SNX29: variants seen among roughly 807,000 people sequenced by gnomAD.
SNX29 encodes the protein sorting nexin 29, also known as sorting nexin-29.
In SNX29, 78 loss-of-function variants were observed where a neutral mutation model predicts 102.1. The observed-to-expected ratio is 0.76, with a 90% CI of 0.64 to 0.92. SNX29 has a LOEUF of 0.92. Among genes scored for constraint, SNX29 ranks in the 40% least tolerant of loss-of-function variants. The pLI is 0.00. For missense variants in SNX29, 1,280 were observed against 1,061.7 expected (o/e 1.21, Z -2.86); for synonymous variants, 580 against 414.5 (o/e 1.40, Z -4.85).
At chr16:12,522,819 A>C (rs1350838358) in intron 19 of SNX29, among the ~76,000 whole-genome samples, 1 of 152,132 alleles carries the variant, frequency 6.6e-6, no homozygotes, top group African/African-American at 2.4e-5. Flanking sequence ...GCAGTGTGAG[A>C]ATGGACTAAT....
At chr16:12,304,452 A>G (rs1339764517) in intron 15 of SNX29, among the ~76,000 whole-genome samples, 1 of 152,228 alleles carries the variant, frequency 6.6e-6, no homozygotes, top group Admixed American at 6.5e-5. Context: ...GATTTAAAAC[A>G]GACATTTAAT....
chr16:12,018,174 A>T (rs531268164), intron 3 of SNX29, among the ~76,000 whole-genome samples: 20 of 152,314 alleles, frequency 1.3e-4, no homozygotes, highest in Non-Finnish European at 2.4e-4. Context: ...GAGTTTAATA[A>T]GTCTTCCCAT....
intron 16 of SNX29, among the ~76,000 whole-genome samples, chr16:12,365,273 C>A (rs2432632): frequency 0.052 from 7,925 of 151,406 alleles, 321 homozygotes; most frequent in African/African-American, 0.11. Flanking sequence ...TCTTCATCTG[C>A]GAAGTGAATC....
chr16:12,013,875 T>G (rs1247620869), intron 3 of SNX29, among the ~76,000 whole-genome samples: 3 of 151,930 alleles, frequency 2.0e-5, no homozygotes. Context: ...GGTCTTGAAC[T>G]CCTGAGCTCA....
At chr16:12,462,042 CACTCTT>C (rs1444975476) in intron 18 of SNX29, among the ~76,000 whole-genome samples, 2 of 132,430 alleles carry the variant, frequency 1.5e-5, no homozygotes, top group African/African-American at 5.7e-5. Context: ...CACACACACA[CACTCTT>C]ATATATGAGA....
chr16:12,561,580 G>A (rs12924625), intron 20 of SNX29, among the ~76,000 whole-genome samples: 1 of 151,884 alleles, frequency 6.6e-6, no homozygotes, highest in Non-Finnish European at 1.5e-5. Flanking sequence ...TCCGATTAAT[G>A]TCAGCCGCAT....
At chr16:12,469,762 G>T (rs2087245983) in intron 18 of SNX29, among the ~76,000 whole-genome samples, 1 of 152,200 alleles carries the variant, frequency 6.6e-6, no homozygotes, top group Non-Finnish European at 1.5e-5. Context: ...TGTAATCTCA[G>T]CACTTTTGGA....
chr16:12,426,909 A>G (rs1460046615), intron 18 of SNX29, among the ~76,000 whole-genome samples: 1 of 151,982 alleles, frequency 6.6e-6, no homozygotes, highest in African/African-American at 2.4e-5. Context: ...CAAGTGATCC[A>G]CCTGCCTCGG....
intron 11 of SNX29, among the ~76,000 whole-genome samples, chr16:12,103,891 G>C (rs1311679024): frequency 1.3e-5 from 2 of 152,164 alleles, no homozygotes; most frequent in Non-Finnish European, 2.9e-5. Flanking sequence ...TTGTCTCCAT[G>C]ATCATCCTTC....
intron 13 of SNX29, among the ~76,000 whole-genome samples, chr16:12,134,924 G>C (rs2054605858): frequency 6.6e-6 from 1 of 152,214 alleles, no homozygotes; most frequent in South Asian, 2.1e-4. Context: ...AGTCTCACAA[G>C]CTGCCCTCTG....
intron 14 of SNX29, among the ~76,000 whole-genome samples, chr16:12,244,306 T>C (rs989130979): frequency 6.6e-6 from 1 of 152,166 alleles, no homozygotes; most frequent in African/African-American, 2.4e-5. Flanking sequence ...AGGACTGTTT[T>C]TTCCTTGATA....
At chr16:12,398,671 G>A (rs1235805919) in intron 17 of SNX29, among the ~76,000 whole-genome samples, 170 bp downstream of exon 17, 2 of 151,652 alleles carry the variant, frequency 1.3e-5, no homozygotes, top group Admixed American at 6.6e-5. Flanking sequence ...CCTCAGTCTC[G>A]CCCTCAGATG....
chr16:12,491,636 C>A (rs1416029217), intron 19 of SNX29, among the ~76,000 whole-genome samples: 3 of 151,826 alleles, frequency 2.0e-5, no homozygotes, highest in African/African-American at 7.3e-5. Context: ...CCATTAACTC[C>A]TCATTTAGCA....
At position 12,479,183 on chromosome 16, in the gene SNX29, C is replaced by T. The variant is rs73506428; in HGVS notation, c.2178+1324C>T. Among the ~76,000 whole-genome samples the T allele has an allele frequency of 3.1e-3, 472 of 152,282 alleles. 6 individuals are homozygous for T. The highest frequency in any genetic ancestry group is 0.011 in the African/African-American group (444 of 41,552). On this transcript the variant is annotated intron_variant, in intron 19 of 20. Coordinates refer to ENST00000566228, the MANE Select transcript of SNX29 (RefSeq NM_032167.5). ...CCCAGCAGTCTGGGTTTAACAAGCC[C>T]TCTAGGTGATGCTGTTCATGAGGAA...
At chr16:11,992,753 C>T (rs1422521472) in intron 1 of SNX29, among the ~76,000 whole-genome samples, 2 of 152,208 alleles carry the variant, frequency 1.3e-5, no homozygotes, top group Admixed American at 6.5e-5. Context: ...GCATTGCCTT[C>T]TTTTTCTTTT....
At chr16:12,016,919 G>T (rs2056866013) in intron 3 of SNX29, among the ~76,000 whole-genome samples, 1 of 151,854 alleles carries the variant, frequency 6.6e-6, no homozygotes, top group African/African-American at 2.4e-5. Flanking sequence ...TTAAGCCCAG[G>T]AGTTACAGAC....
intron 20 of SNX29, among the ~76,000 whole-genome samples, chr16:12,557,046 T>C (rs1333124957): frequency 8.1e-6 from 1 of 123,700 alleles, no homozygotes; most frequent in East Asian, 3.2e-4. Context: ...GAGGTCTTGC[T>C]ATGTGGCCCA....
chr16:12,516,309 G>A (rs1321483765), intron 19 of SNX29, among the ~76,000 whole-genome samples: 8 of 152,038 alleles, frequency 5.3e-5, no homozygotes, highest in South Asian at 2.1e-4. Context: ...GTGAGACCCC[G>A]TCTCTACAAA....
intron 13 of SNX29, among the ~76,000 whole-genome samples, chr16:12,162,721 G>T (rs1311109189): frequency 1.3e-5 from 2 of 152,196 alleles, no homozygotes; most frequent in Non-Finnish European, 2.9e-5. Context: ...TTCACTTTGG[G>T]TCCAGTGCTT....
Sources: allele counts gnomAD v4.1 joint callset (sites outside exome capture counted in the v4.1 genomes callset), GRCh38; gene constraint gnomAD v4.1.1; transcripts MANE v1.5; gene names NCBI Gene and HGNC (gene_info 2026-07-23, HGNC 2026-07-21).